CTNNA2: variants seen among roughly 807,000 people sequenced by gnomAD.
CTNNA2 encodes catenin alpha-2.
In CTNNA2, 42 loss-of-function variants were observed where a neutral mutation model predicts 101.0. The ratio of observed to expected loss-of-function variants is 0.42; its 90% confidence interval spans 0.32 to 0.54. The LOEUF is 0.54. Among genes scored for constraint, CTNNA2 ranks in the 20% least tolerant of loss-of-function variants. The pLI is 0.14. For synonymous variants in CTNNA2, 450 were observed against 456.4 expected, an observed-to-expected ratio of 0.99 and a Z score of 0.18; for missense variants, 871 against 1,223.1, an observed-to-expected ratio of 0.71 and a Z score of 4.29.
chr2:80,550,300 C>T (rs1692453444), intron 11 of CTNNA2, among the ~76,000 whole-genome samples: 1 of 152,166 alleles, frequency 6.6e-6, no homozygotes, highest in Non-Finnish European at 1.5e-5. Flanking sequence ...TTCAGCCAGC[C>T]ATAATCTCTT....
At chr2:79,858,826 G>T (rs142891230) in intron 4 of CTNNA2, among the ~76,000 whole-genome samples, 80 of 151,936 alleles carry the variant, frequency 5.3e-4, no homozygotes, top group Non-Finnish European at 9.7e-4. Context: ...TGCTTTTCAT[G>T]GTTTCTTTTA....
At chr2:79,598,464 C>T (rs1025558463) in intron 1 of CTNNA2, among the ~76,000 whole-genome samples, 3 of 152,188 alleles carry the variant, frequency 2.0e-5, no homozygotes, top group Non-Finnish European at 2.9e-5. Flanking sequence ...CACATCCTCG[C>T]CAGCATTTGG....
chr2:80,237,014 C>A (rs1364859133), intron 7 of CTNNA2, among the ~76,000 whole-genome samples: 1 of 152,160 alleles, frequency 6.6e-6, no homozygotes, highest in East Asian at 1.9e-4. Flanking sequence ...GAAAGAAATG[C>A]ACAGTTTTCA....
At chr2:80,400,126 G>A (rs1339076311) in intron 8 of CTNNA2, among the ~76,000 whole-genome samples, 2 of 152,160 alleles carry the variant, frequency 1.3e-5, no homozygotes, top group African/African-American at 2.4e-5. Context: ...CCTTGATTCT[G>A]ACTGAATGTA....
rs72920885 is a variant in CTNNA2 at position 79,978,449 on chromosome 2, G to A, written c.1056+68652G>A. ...GAGAACTAAATTGTTCTCTGGCCAC[G>A]GGTACCATATAATAATGACTATCAT... On this transcript the variant is annotated intron_variant, in intron 7 of 18. Transcript: ENST00000402739. 4.2e-3 allele frequency among the ~76,000 whole-genome samples: 636 copies of A among 152,150 alleles called. 3 individuals are homozygous for A. The highest frequency in any genetic ancestry group is 0.014 in the African/African-American group (586 of 41,522).
At chr2:80,026,324 G>A (rs528299781) in intron 7 of CTNNA2, among the ~76,000 whole-genome samples, 95 of 152,308 alleles carry the variant, frequency 6.2e-4, no homozygotes, top group African/African-American at 1.6e-3. Context: ...TGAATAACAA[G>A]CATTCATCGA....
intron 2 of CTNNA2, among the ~76,000 whole-genome samples, chr2:79,212,991 C>A (rs1674196037): frequency 6.6e-6 from 1 of 152,082 alleles, no homozygotes; most frequent in African/African-American, 2.4e-5. Context: ...GGCTTGTAAC[C>A]TACATGGAAG....
At chr2:80,376,409 AG>A (rs534148907) in intron 7 of CTNNA2, among the ~76,000 whole-genome samples, 8 of 152,084 alleles carry the variant, frequency 5.3e-5, no homozygotes, top group Admixed American at 5.2e-4. Flanking sequence ...TAGACATGCC[AG>A]CAAACTAGAG....
chr2:80,319,353 G>T (rs1010294842), intron 7 of CTNNA2, among the ~76,000 whole-genome samples: 3 of 152,052 alleles, frequency 2.0e-5, no homozygotes, highest in African/African-American at 7.2e-5. Context: ...TTAAATAGTT[G>T]TTCAACAAAA....
chr2:79,900,480 T>C (rs1360327883), intron 6 of CTNNA2, among the ~76,000 whole-genome samples: 1 of 152,172 alleles, frequency 6.6e-6, no homozygotes, highest in Admixed American at 6.5e-5. Flanking sequence ...TGGTAATGGG[T>C]CAACACAGCA....
chr2:80,286,789 T>G (rs1250094358), intron 7 of CTNNA2, among the ~76,000 whole-genome samples: 1 of 152,182 alleles, frequency 6.6e-6, no homozygotes, highest in Non-Finnish European at 1.5e-5. Flanking sequence ...GCTACACCTG[T>G]GTTATAGTAT....
chr2:79,226,782 T>C (rs559707365), intron 2 of CTNNA2, among the ~76,000 whole-genome samples: 1 of 152,220 alleles, frequency 6.6e-6, no homozygotes, highest in East Asian at 1.9e-4. Context: ...ATGTGAAATA[T>C]TGCACCAGGG....
At chr2:79,648,628 T>C (rs553368645) in intron 1 of CTNNA2, among the ~76,000 whole-genome samples, 9 of 152,266 alleles carry the variant, frequency 5.9e-5, no homozygotes, top group African/African-American at 2.2e-4. Context: ...TTCTTCTACC[T>C]TGTGCTCAAT....
chr2:80,551,485 G>T (rs1451078654), intron 11 of CTNNA2, among the ~76,000 whole-genome samples: 2 of 152,348 alleles, frequency 1.3e-5, no homozygotes, highest in African/African-American at 4.8e-5. Context: ...CTTAATCAAT[G>T]ATCTTAGCTA....
intron 2 of CTNNA2, among the ~76,000 whole-genome samples, chr2:79,670,797 A>G (rs1467355980): frequency 5.3e-5 from 8 of 152,184 alleles, no homozygotes; most frequent in Non-Finnish European, 1.0e-4. Context: ...GTTTAACTCT[A>G]TCATGTTCTG....
At chr2:80,465,727 C>G (rs1021824489) in intron 9 of CTNNA2, among the ~76,000 whole-genome samples, 29 of 152,110 alleles carry the variant, frequency 1.9e-4, no homozygotes, top group African/African-American at 7.0e-4. Flanking sequence ...AAATAAGGGA[C>G]TAGAAAAGAT....
intron 3 of CTNNA2, among the ~76,000 whole-genome samples, chr2:79,330,710 G>C (rs952131455): frequency 2.2e-4 from 34 of 152,164 alleles, no homozygotes; most frequent in African/African-American, 8.2e-4. Context: ...CAAGAGATCT[G>C]ATGGTCTTAT....
At chr2:80,296,686 C>T (rs927601480) in intron 7 of CTNNA2, among the ~76,000 whole-genome samples, 3 of 152,154 alleles carry the variant, frequency 2.0e-5, no homozygotes, top group Non-Finnish European at 4.4e-5. Flanking sequence ...TACTTTCTGT[C>T]GTGGAGCAGG....
At chr2:79,289,289 T>G (rs937329741) in intron 2 of CTNNA2, among the ~76,000 whole-genome samples, 1 of 152,116 alleles carries the variant, frequency 6.6e-6, no homozygotes, top group Admixed American at 6.6e-5. Context: ...TTGGGGGTTG[T>G]TTTGTTTTGT....
Sources: allele counts gnomAD v4.1 joint callset (sites outside exome capture counted in the v4.1 genomes callset), GRCh38; gene constraint gnomAD v4.1.1; transcripts MANE v1.5; gene names NCBI Gene and HGNC (gene_info 2026-07-23, HGNC 2026-07-21).